The following CNTN5 variants were observed in gnomAD, a reference collection of about 807,000 sequenced individuals.
CNTN5 encodes the protein contactin-5.
In CNTN5, 77 loss-of-function variants were observed where a neutral mutation model predicts 129.1. The observed-to-expected ratio is 0.60, with a 90% CI of 0.50 to 0.72. CNTN5 has a LOEUF of 0.72. Among genes scored for constraint, CNTN5 ranks in the 30% least tolerant of loss-of-function variants. The pLI, the probability that CNTN5 is intolerant of heterozygous loss-of-function variation, is 0.00. For missense variants in CNTN5, 1,478 were observed against 1,328.8 expected, an observed-to-expected ratio of 1.11 and a Z score of -1.75; for synonymous variants, 509 against 465.6, an observed-to-expected ratio of 1.09 and a Z score of -1.20.
chr11:100,355,409 C>T (rs1952499513), intron 24 of CNTN5, among the ~76,000 whole-genome samples: 1 of 151,720 alleles, frequency 6.6e-6, no homozygotes, highest in South Asian at 2.1e-4. Context: ...TTCTGAAGGA[C>T]ATGCCTGAAG....
chr11:100,125,769 T>C (rs1464480941), intron 13 of CNTN5, among the ~76,000 whole-genome samples: 1 of 152,170 alleles, frequency 6.6e-6, no homozygotes, highest in African/African-American at 2.4e-5. Context: ...TTGGTTTTAC[T>C]GATTATTTGG....
intron 3 of CNTN5, among the ~76,000 whole-genome samples, chr11:99,717,299 TA>T (rs1955281037): frequency 6.6e-6 from 1 of 152,056 alleles, no homozygotes. Context: ...GAAAGTCTTA[TA>T]TACAGTATAG....
chr11:99,648,470 G>A (rs1421338428), intron 3 of CNTN5, among the ~76,000 whole-genome samples: 3 of 151,858 alleles, frequency 2.0e-5, no homozygotes, highest in African/African-American at 7.2e-5. Context: ...CTGTTGGTAG[G>A]AATGTAAACC....
chr11:99,255,673 G>A lies in CNTN5; in HGVS notation c.-209-69673G>A, dbSNP rs562162398. On this transcript the variant is annotated intron_variant, in intron 1 of 24. Transcript: ENST00000524871. ...TAAAGAGCTAGTTTCTAATTTGAAA[G>A]CTTCATAGTAAGTATGAATTAAAAG... 2.0e-5 allele frequency among the ~76,000 whole-genome samples: 3 copies of A among 151,394 alleles called. No individual in the cohort carries two copies. In the East Asian group the frequency reaches 5.8e-4, roughly 29 times the overall value.
At chr11:99,526,522 G>A (rs762579895) in intron 2 of CNTN5, among the ~76,000 whole-genome samples, 31 of 152,294 alleles carry the variant, frequency 2.0e-4, no homozygotes, top group Non-Finnish European at 2.6e-4. Context: ...TTGTGGCTTC[G>A]TTGACAGTGA....
At chr11:99,228,837 CA>C (rs1450423344) in intron 1 of CNTN5, among the ~76,000 whole-genome samples, 1 of 151,900 alleles carries the variant, frequency 6.6e-6, no homozygotes, top group African/African-American at 2.4e-5. Flanking sequence ...ACATTTATGG[CA>C]AAAATATTTC....
At chr11:100,175,304 T>C (rs1947931221) in intron 13 of CNTN5, among the ~76,000 whole-genome samples, 2 of 152,122 alleles carry the variant, frequency 1.3e-5, no homozygotes, top group South Asian at 4.1e-4. Flanking sequence ...TAAATGAGTG[T>C]AATAATATAT....
intron 2 of CNTN5, among the ~76,000 whole-genome samples, chr11:99,494,022 C>T (rs988606859): frequency 3.9e-4 from 59 of 151,998 alleles, no homozygotes; most frequent in African/African-American, 1.3e-3. Flanking sequence ...ATTTATTATA[C>T]GAAAAAGAAA....
chr11:99,224,681 A>G (rs1860584134), intron 1 of CNTN5, among the ~76,000 whole-genome samples: 1 of 31,464 alleles, frequency 3.2e-5, no homozygotes, highest in South Asian at 7.9e-4. Context: ...TTTTTTTGAG[A>G]CAGTCTTGCT....
At chr11:99,626,080 G>C (rs1291495353) in intron 3 of CNTN5, among the ~76,000 whole-genome samples, 2 of 152,040 alleles carry the variant, frequency 1.3e-5, no homozygotes, top group Non-Finnish European at 2.9e-5. Context: ...AGGACACACA[G>C]AGATGTGTTA....
intron 6 of CNTN5, among the ~76,000 whole-genome samples, chr11:99,892,508 G>A (rs1348302237): frequency 6.6e-6 from 1 of 152,122 alleles, no homozygotes; most frequent in Non-Finnish European, 1.5e-5. Context: ...TTTGTATAAG[G>A]TGTAAGGAAG....
chr11:100,133,725 CAT>C (rs1192233308), intron 13 of CNTN5, among the ~76,000 whole-genome samples: 2 of 152,040 alleles, frequency 1.3e-5, no homozygotes, highest in Non-Finnish European at 2.9e-5. Flanking sequence ...CCCCCTTTAC[CAT>C]ATAATCTGAA....
intron 8 of CNTN5, among the ~76,000 whole-genome samples, chr11:99,994,655 C>T (rs988371241): frequency 6.6e-6 from 1 of 152,044 alleles, no homozygotes; most frequent in African/African-American, 2.4e-5. Flanking sequence ...AGAAAAGTAA[C>T]AACAATACCA....
chr11:99,728,203 TGA>T (rs113566105), intron 3 of CNTN5, among the ~76,000 whole-genome samples: 9,218 of 151,454 alleles, frequency 0.061, 696 homozygotes, highest in African/African-American at 0.18. Context: ...TGATCATACA[TGA>T]GAGAGAGAGA....
At chr11:99,412,871 A>G (rs1159390383) in intron 2 of CNTN5, among the ~76,000 whole-genome samples, 1 of 152,204 alleles carries the variant, frequency 6.6e-6, no homozygotes, top group Non-Finnish European at 1.5e-5. Flanking sequence ...AATTTGAATT[A>G]GAAGATCACC....
At chr11:99,953,824 A>G (rs532539731) in intron 7 of CNTN5, among the ~76,000 whole-genome samples, 3 of 152,328 alleles carry the variant, frequency 2.0e-5, no homozygotes, top group Admixed American at 6.5e-5. Flanking sequence ...GTATTACCAC[A>G]TAGTATCAAA....
At chr11:99,250,866 A>G (rs928547088) in intron 1 of CNTN5, among the ~76,000 whole-genome samples, 1 of 151,868 alleles carries the variant, frequency 6.6e-6, no homozygotes, top group African/African-American at 2.4e-5. Context: ...CATCTCTTAA[A>G]TGTCTAATTT....
Position 99,239,948 on chromosome 11 carries a change from A to AC in CNTN5, c.-209-85398_-209-85397insC, listed in dbSNP as rs1565429404. Among the ~76,000 whole-genome samples, 411 of 148,296 alleles carry AC rather than the reference A, an allele frequency of 2.8e-3. 4 individuals are homozygous for AC. The highest frequency in any genetic ancestry group is 8.6e-3 in the African/African-American group (355 of 41,156). On this transcript the variant is annotated intron_variant, in intron 1 of 24. Transcript: ENST00000524871. The stretch of plus-strand genomic sequence containing the variant: ...CGAGACTCCGTCTCAAAAAAAAAAA[A>AC]AAAAAAAATTTAAAAAGCGAGTAGT...
chr11:100,216,232 CTG>C (rs1209456043), intron 15 of CNTN5, among the ~76,000 whole-genome samples: 2 of 152,098 alleles, frequency 1.3e-5, no homozygotes, highest in Non-Finnish European at 2.9e-5. Flanking sequence ...AGGCAGGTAT[CTG>C]AGTATTCTTC....
Sources: allele counts gnomAD v4.1 joint callset (sites outside exome capture counted in the v4.1 genomes callset), GRCh38; gene constraint gnomAD v4.1.1; transcripts MANE v1.5; gene names NCBI Gene and HGNC (gene_info 2026-07-23, HGNC 2026-07-21).